Variants in SYNE1 observed in about 807,000 individuals in gnomAD.
SYNE1 encodes spectrin repeat containing nuclear envelope protein 1, also known as nesprin-1.
Under a neutral mutation model 1,111.0 loss-of-function variants are expected in SYNE1, and 616 were observed. That is an observed-to-expected ratio of 0.55 (90% CI 0.52 to 0.59). The LOEUF is 0.59. Ranked by LOEUF, SYNE1 falls within the 20% of genes least tolerant of loss-of-function variation. SYNE1 has a pLI of 0.00. For synonymous variants in SYNE1, 3,855 were observed against 3,825.8 expected, an observed-to-expected ratio of 1.01 and a Z score of -0.28; for missense variants, 10,006 against 10,417.0, an observed-to-expected ratio of 0.96 and a Z score of 1.72.
chr6:152,483,873 C>T (rs2098923875), intron 13 of SYNE1, among the ~76,000 whole-genome samples: 1 of 148,958 alleles, frequency 6.7e-6, no homozygotes, highest in Non-Finnish European at 1.5e-5. Flanking sequence ...CTAGCCTATT[C>T]TTTAATGGAG....
At chr6:152,240,834 G>C (rs2153557706) in intron 107 of SYNE1, among the ~76,000 whole-genome samples, 1 of 152,344 alleles carries the variant, frequency 6.6e-6, no homozygotes, top group South Asian at 2.1e-4. Flanking sequence ...CCCAAGGGCA[G>C]TGTGGCTTTA....
At chr6:152,229,264 A>C (rs532178168) in intron 115 of SYNE1, among the ~76,000 whole-genome samples, 2 of 152,312 alleles carry the variant, frequency 1.3e-5, no homozygotes, top group South Asian at 4.1e-4. Flanking sequence ...GAACAGTCAT[A>C]ATCTGTAACA....
At chr6:152,604,000 A>G (rs946929383) in intron 3 of SYNE1, among the ~76,000 whole-genome samples, 1 of 148,582 alleles carries the variant, frequency 6.7e-6, no homozygotes. Flanking sequence ...ATATCTGTAT[A>G]TATACATATG....
chr6:152,176,610 A>C (rs1241272998), intron 129 of SYNE1, 50 bp from the exon 130 acceptor site: 1 of 1,560,784 alleles, frequency 6.4e-7, no homozygotes. Context: ...TTCTTAATAC[A>C]TCCAGCCCAG....
intron 122 of SYNE1, among the ~76,000 whole-genome samples, chr6:152,214,063 T>C (rs886998902): frequency 6.6e-6 from 1 of 151,630 alleles, no homozygotes; most frequent in Non-Finnish European, 1.5e-5. Context: ...TAGCCGGGTG[T>C]GGTGGTGTGT....
chr6:152,406,944 CTTT>C (rs549447851), intron 45 of SYNE1, 67 bp downstream of exon 45: 141 of 967,312 alleles, frequency 1.5e-4, no homozygotes, highest in Middle Eastern at 3.7e-4. Flanking sequence ...TTAAGAAAGA[CTTT>C]TTTTTTTTTT....
chr6:152,455,298 A>T lies in SYNE1; in HGVS notation c.2892+128T>A, dbSNP rs191432202. ...ATATCTTTGGGTCTCATACCTAAAA[A>T]GTCTCTGCTTCCCTGACTCATCTGC... On this transcript the variant is annotated intron_variant, in intron 24 of 145. Coordinates refer to ENST00000367255, the MANE Select transcript of SYNE1 (RefSeq NM_182961.4). 8.9e-5 allele frequency: 88 copies of T among 989,746 alleles called. No homozygotes were observed. The East Asian group carries it at 2.2e-3, about 25-fold the overall frequency. 61.3% of individuals were successfully genotyped at this position (989,746 alleles called of 1,614,324 possible).
intron 93 of SYNE1, among the ~76,000 whole-genome samples, chr6:152,299,316 T>C (rs1057496824): frequency 7.2e-5 from 11 of 152,190 alleles, no homozygotes; most frequent in Non-Finnish European, 8.8e-5. Context: ...TCTGTAACCA[T>C]AGGGAAGGAC....
chr6:152,580,641 T>C (rs1294617109), intron 3 of SYNE1, among the ~76,000 whole-genome samples: 2 of 152,206 alleles, frequency 1.3e-5, no homozygotes, highest in Admixed American at 6.5e-5. Context: ...TTTATAGTTT[T>C]AGATTTTACC....
rs187524690 is a variant in SYNE1, at chr6:152,201,796, C to T, written c.23145+28G>A. The T allele has an allele frequency of 4.8e-5, 78 of 1,613,788 alleles. 1 individual carries two copies. The East Asian group carries it at 9.6e-4, about 20-fold the overall frequency. Reference sequence around the variant, plus strand: ...CATTCCAGCAGAGGCACACAGGTGACGGTGAAAATCTCAGTTCAGTAATTT... The same window carrying T: ...CATTCCAGCAGAGGCACACAGGTGATGGTGAAAATCTCAGTTCAGTAATTT... On this transcript the variant is annotated intron_variant, in intron 127 of 145. Coordinates refer to ENST00000367255, the MANE Select transcript of SYNE1 (RefSeq NM_182961.4).
intron 3 of SYNE1, among the ~76,000 whole-genome samples, chr6:152,554,542 C>G (rs1288802488): frequency 6.6e-6 from 1 of 152,166 alleles, no homozygotes; most frequent in Non-Finnish European, 1.5e-5. Flanking sequence ...TCCAAACCAT[C>G]TTAGACATCT....
At chr6:152,215,915 A>G (rs1260482446) in intron 121 of SYNE1, among the ~76,000 whole-genome samples, 1 of 152,192 alleles carries the variant, frequency 6.6e-6, no homozygotes, top group African/African-American at 2.4e-5. Context: ...ACATTTTAAG[A>G]GCTCCAGTTT....
At chr6:152,177,515 A>C (rs1044950547) in intron 129 of SYNE1, among the ~76,000 whole-genome samples, 1 of 152,196 alleles carries the variant, frequency 6.6e-6, no homozygotes, top group African/African-American at 2.4e-5. Flanking sequence ...TCTTGGTCTA[A>C]AGTTAGTGTG....
chr6:152,267,882 C>T (rs977915543), intron 100 of SYNE1, among the ~76,000 whole-genome samples, 174 bp downstream of exon 100: 4 of 152,160 alleles, frequency 2.6e-5, no homozygotes, highest in African/African-American at 9.7e-5. Flanking sequence ...GCGCTATGCT[C>T]AGGCAATGCA....
intron 126 of SYNE1, 58 bp from the exon 127 acceptor site, chr6:152,202,007 G>GGAAAA: frequency 6.3e-6 from 10 of 1,591,756 alleles, no homozygotes; most frequent in Non-Finnish European, 8.6e-6. Flanking sequence ...AACTGGGGGG[G>GGAAAA]GAAAAGAAAA....
chr6:152,465,136 C>T lies in SYNE1; in HGVS notation c.1932+122G>A, dbSNP rs949895792. The T allele has an allele frequency of 2.6e-6, 3 of 1,134,112 alleles. No homozygotes were observed. The African/African-American group carries it at 4.6e-5, about 17-fold the overall frequency. 70.3% of individuals were successfully genotyped at this position (1,134,112 alleles called of 1,614,324 possible). On this transcript the variant is annotated intron_variant, in intron 18 of 145. Coordinates refer to ENST00000367255, the MANE Select transcript of SYNE1 (RefSeq NM_182961.4). Reference sequence around the variant, plus strand: ...TAACCTGAAAGTGCAACTTTTCAGGCAAAGTCAAGATTCTTGAGTGACACT... The same window carrying T: ...TAACCTGAAAGTGCAACTTTTCAGGTAAAGTCAAGATTCTTGAGTGACACT...
At chr6:152,561,777 C>A (rs1166970420) in intron 3 of SYNE1, among the ~76,000 whole-genome samples, 1 of 152,092 alleles carries the variant, frequency 6.6e-6, no homozygotes, top group Non-Finnish European at 1.5e-5. Context: ...GTCAATTAAT[C>A]TTTGAAAAAG....
In SYNE1 at chr6:152,455,667, C is replaced by T. The variant is rs755470912; in HGVS notation, c.2728-77G>A. ...GATCATTTTGTTAGAGGGTATTATTCATTTAAAAAGCACTTGGAAAAAAGA... is the reference window on the plus strand; with the variant it reads ...GATCATTTTGTTAGAGGGTATTATTTATTTAAAAAGCACTTGGAAAAAAGA... On this transcript the variant is annotated intron_variant, in intron 23 of 145. Coordinates refer to ENST00000367255, the MANE Select transcript of SYNE1 (RefSeq NM_182961.4). 5 of 1,584,710 alleles carry T rather than the reference C, an allele frequency of 3.2e-6. No individual in the cohort carries two copies. The African/African-American group carries it at 4.0e-5, about 13-fold the overall frequency.
intron 95 of SYNE1, among the ~76,000 whole-genome samples, chr6:152,286,932 C>T (rs7747166): frequency 0.067 from 10,258 of 152,250 alleles, 399 homozygotes; most frequent in Middle Eastern, 0.099. Flanking sequence ...CATTCGCATA[C>T]GTTATCTTCT....
Sources: gnomAD v4.1 joint callset for allele counts (sites outside exome capture counted in the v4.1 genomes callset) on GRCh38, gnomAD v4.1.1 for gene constraint, MANE v1.5 for transcripts, NCBI Gene and HGNC (gene_info 2026-07-23, HGNC 2026-07-21) for gene names.